TMTC1: variants seen among roughly 807,000 people sequenced by gnomAD.
TMTC1 encodes transmembrane O-mannosyltransferase targeting cadherins 1.
TMTC1 carries 73 observed loss-of-function variants against 104.8 expected under a neutral mutation model. The observed-to-expected ratio is 0.70, with a 90% CI of 0.58 to 0.85. The LOEUF (loss-of-function observed/expected upper bound fraction) is 0.85, where lower values mean the gene tolerates loss of function less well. TMTC1 is among the 40% of genes least tolerant of loss of function. TMTC1 has a pLI of 0.00. For missense variants in TMTC1, 1,035 were observed against 1,096.1 expected (o/e 0.94, Z 0.79); for synonymous variants, 434 against 428.7 (o/e 1.01, Z -0.15).
chr12:29,548,850 T>A lies in TMTC1; in HGVS notation c.1676+8007A>T, dbSNP rs1261097024. Among the ~76,000 whole-genome samples the A allele has an allele frequency of 2.4e-4, 16 of 67,710 alleles. No homozygotes were observed. The East Asian group carries it at 4.6e-3, about 19-fold the overall frequency. The allele number at this position is 67,710 out of a possible 152,430, so 44.4% of individuals were successfully genotyped here. On this transcript the variant is annotated intron_variant, in intron 10 of 17. Transcript: ENST00000539277. ...TTGATTATATCACTTATCTAAAATA[T>A]ATAATATATAAATATATAAATTATA...
intron 5 of TMTC1, among the ~76,000 whole-genome samples, chr12:29,663,796 C>A (rs531950222): frequency 6.6e-6 from 1 of 151,530 alleles, no homozygotes; most frequent in Non-Finnish European, 1.5e-5. Context: ...GGATTACAGG[C>A]GTGAGCCACC....
rs1300666511 is a variant in TMTC1, at chr12:29,783,224, C to T, written c.302+226G>A. Among the ~76,000 whole-genome samples the T allele has an allele frequency of 6.6e-6, 1 of 152,168 alleles. No individual in the cohort carries two copies. The highest frequency in any genetic ancestry group is 6.5e-5 in the Admixed American group (1 of 15,282). On this transcript the variant is annotated intron_variant, in intron 1 of 17. Transcript: ENST00000539277. The surrounding 1 kb of genome is among the most constrained non-coding windows in gnomAD (Gnocchi z 4.7). ...AGGGCAGACAGTTGAGAAACTCGAT[C>T]CCAACTCCCCAGCCGGCGCCTCCCG...
chr12:29,554,619 G>A (rs1372195232), intron 10 of TMTC1, among the ~76,000 whole-genome samples: 12 of 152,016 alleles, frequency 7.9e-5, no homozygotes, highest in African/African-American at 2.7e-4. Context: ...CTATAATCCC[G>A]GTACTTTGGG....
intron 6 of TMTC1, among the ~76,000 whole-genome samples, chr12:29,622,758 A>C (rs932965460): frequency 6.6e-6 from 1 of 152,224 alleles, no homozygotes; most frequent in Non-Finnish European, 1.5e-5. Context: ...ATATAAATTC[A>C]AATGCCTTTC....
chr12:29,749,052 G>A (rs150263613), intron 5 of TMTC1, among the ~76,000 whole-genome samples: 5 of 152,262 alleles, frequency 3.3e-5, no homozygotes, highest in African/African-American at 1.2e-4. Flanking sequence ...AGTCACACTC[G>A]TAGCTTGCAA....
intron 5 of TMTC1, among the ~76,000 whole-genome samples, chr12:29,716,750 T>G (rs1942093633): frequency 6.6e-6 from 1 of 152,180 alleles, no homozygotes; most frequent in Admixed American, 6.5e-5. Context: ...GCACAGGGGC[T>G]CACGCCTGTA....
chr12:29,737,202 G>A (rs1157171384), intron 5 of TMTC1, among the ~76,000 whole-genome samples: 1 of 152,190 alleles, frequency 6.6e-6, no homozygotes, highest in East Asian at 1.9e-4. Context: ...TCAGAGCCAG[G>A]CAGAGCAGCA....
At chr12:29,634,465 A>C (rs2350534) in intron 5 of TMTC1, among the ~76,000 whole-genome samples, 3,832 of 152,128 alleles carry the variant, frequency 0.025, 154 homozygotes, top group African/African-American at 0.088. Flanking sequence ...CACTACTGAA[A>C]ACCCCCACTC....
At chr12:29,552,682 T>C (rs1945138064) in intron 10 of TMTC1, among the ~76,000 whole-genome samples, 1 of 152,350 alleles carries the variant, frequency 6.6e-6, no homozygotes, top group South Asian at 2.1e-4. Flanking sequence ...GGAATAATGA[T>C]AGTGCTTCCT....
chr12:29,778,864 T>C (rs1943771111), intron 1 of TMTC1, among the ~76,000 whole-genome samples: 1 of 152,206 alleles, frequency 6.6e-6, no homozygotes, highest in Admixed American at 6.5e-5. Flanking sequence ...AGTGTGATGC[T>C]TCTGTGTCTA....
At chr12:29,730,892 T>C (rs375430012) in intron 5 of TMTC1, among the ~76,000 whole-genome samples, 4 of 152,252 alleles carry the variant, frequency 2.6e-5, no homozygotes, top group South Asian at 4.1e-4. Flanking sequence ...TGTTTGTTAA[T>C]ATGAAGCAGG....
At chr12:29,734,742 T>C (rs983364101) in intron 5 of TMTC1, among the ~76,000 whole-genome samples, 13 of 152,214 alleles carry the variant, frequency 8.5e-5, no homozygotes, top group African/African-American at 2.9e-4. Context: ...AGTTGGTTAT[T>C]TAGAGTTTTT....
intron 10 of TMTC1, 26 bp from the exon 11 acceptor site, chr12:29,536,343 G>C (rs774497315): frequency 3.6e-6 from 5 of 1,375,450 alleles, no homozygotes; most frequent in Non-Finnish European, 5.1e-6. Context: ...AAGGGGTGGG[G>C]GAGAACATCT....
At chr12:29,697,816 C>T (rs1442216904) in intron 5 of TMTC1, among the ~76,000 whole-genome samples, 1 of 152,104 alleles carries the variant, frequency 6.6e-6, no homozygotes, top group African/African-American at 2.4e-5. Context: ...TGGATGAGGT[C>T]CACTCATATT....
chr12:29,572,049 A>C (rs1945692587), intron 9 of TMTC1, 56 bp downstream of exon 9: 1 of 1,401,440 alleles, frequency 7.1e-7, no homozygotes, highest in Non-Finnish European at 1.0e-6. Context: ...GGCCAAGTGA[A>C]ATAAACAACG....
intron 5 of TMTC1, among the ~76,000 whole-genome samples, chr12:29,681,099 CAAAAAAAAAAAA>C (rs71045827): frequency 9.3e-6 from 1 of 107,238 alleles, no homozygotes; most frequent in Admixed American, 9.8e-5. Context: ...ACCCTGTCTC[CAAAAAAAAAAAA>C]AAAAAAAGAA....
chr12:29,699,098 G>A (rs1591943325), intron 5 of TMTC1, among the ~76,000 whole-genome samples: 2 of 152,202 alleles, frequency 1.3e-5, no homozygotes, highest in Non-Finnish European at 2.9e-5. Context: ...ACTTAGTAAT[G>A]CCTTATCGTG....
chr12:29,611,070 C>T (rs974843058), intron 6 of TMTC1, among the ~76,000 whole-genome samples: 3 of 152,186 alleles, frequency 2.0e-5, no homozygotes, highest in African/African-American at 4.8e-5. Flanking sequence ...ACTTTCTTTG[C>T]CAAGAGGCAC....
intron 5 of TMTC1, among the ~76,000 whole-genome samples, chr12:29,734,223 T>G (rs1942614602): frequency 6.6e-6 from 1 of 152,254 alleles, no homozygotes; most frequent in African/African-American, 2.4e-5. Context: ...CACATGTCTC[T>G]TAATTTCCAG....
Sources: allele counts gnomAD v4.1 joint callset (sites outside exome capture counted in the v4.1 genomes callset), GRCh38; gene constraint gnomAD v4.1.1; non-coding constraint Gnocchi (gnomAD v3.1); transcripts MANE v1.5; gene names NCBI Gene and HGNC (gene_info 2026-07-23, HGNC 2026-07-21).